Variants in ZNF469 observed in about 807,000 individuals in gnomAD.
The protein encoded by ZNF469 is zinc finger protein 469.
A neutral mutation model predicts 1.0 loss-of-function variants in ZNF469; 1 was observed. That is an observed-to-expected ratio of 1.00 (90% confidence interval 0.35 to 4.73). The LOEUF (loss-of-function observed/expected upper bound fraction) is 4.73. ZNF469 is among the 30% of genes most tolerant of loss of function. The pLI is 0.16. For missense variants in ZNF469, 6,100 were observed against 5,356.3 expected, an observed-to-expected ratio of 1.14 and a Z score of -4.33; for synonymous variants, 2,703 against 2,363.4, an observed-to-expected ratio of 1.14 and a Z score of -4.17.
the ZNF469 span, among the ~76,000 whole-genome samples, chr16:88,329,267 T>G: frequency 7.2e-5 from 11 of 152,194 alleles, no homozygotes; most frequent in East Asian, 3.9e-4. Flanking sequence ...GTTTGCTGCT[T>G]CTTCATCTTC....
chr16:88,385,871 C>T (rs1367139532), intron 1 of ZNF469, among the ~76,000 whole-genome samples: 1 of 152,066 alleles, frequency 6.6e-6, no homozygotes, highest in Non-Finnish European at 1.5e-5. Context: ...TGTGGAGCAC[C>T]CTGGCACAGG....
the ZNF469 span, among the ~76,000 whole-genome samples, chr16:88,289,788 G>A: frequency 6.6e-6 from 1 of 152,220 alleles, no homozygotes; most frequent in Non-Finnish European, 1.5e-5. Context: ...GAAACTGGCA[G>A]ATGCGCATGG....
At chr16:88,371,340 T>C in the ZNF469 span, among the ~76,000 whole-genome samples, 1 of 152,210 alleles carries the variant, frequency 6.6e-6, no homozygotes, top group South Asian at 2.1e-4. Flanking sequence ...CTAAAACCCA[T>C]GCACAGCCAT....
chr16:88,218,044 T>G, the ZNF469 span, among the ~76,000 whole-genome samples: 1 of 139,932 alleles, frequency 7.1e-6, no homozygotes, highest in Non-Finnish European at 1.6e-5. Flanking sequence ...TTGAACTAGT[T>G]TACAGTCCCA....
chr16:88,101,218 G>T, the ZNF469 span, among the ~76,000 whole-genome samples: 3 of 152,250 alleles, frequency 2.0e-5, no homozygotes, highest in African/African-American at 4.8e-5. Context: ...AACCGAGGGG[G>T]TGCACGCAGG....
the ZNF469 span, among the ~76,000 whole-genome samples, chr16:88,305,310 G>GCA: frequency 2.5e-4 from 34 of 133,734 alleles, no homozygotes; most frequent in Admixed American, 8.0e-4. Context: ...ACCCTCACAT[G>GCA]CACACACACA....
At chr16:88,279,200 G>A in the ZNF469 span, among the ~76,000 whole-genome samples, 258 of 129,436 alleles carry the variant, frequency 2.0e-3, no homozygotes, top group African/African-American at 2.3e-3. Context: ...GCGCCACGCT[G>A]ACACTCGGTC....
At position 88,438,607 on chromosome 16, in the gene ZNF469, C is replaced by A. The variant is rs748126365; in HGVS notation, c.11137C>A (p.Arg3713Ser). The change falls in exon 3 of 3, where the codon CGT becomes AGT. Residue 3713 changes from arginine to serine, a missense_variant. Transcript: ENST00000565624. ...GAGCCTGGCACCCGGGGAGCTGGCC[C>A]GTGGCACAGAGAATGGGATGAAGCC... Reference protein sequence around the residue: ...VGSLAPGELARGTENGMKPAT... With the variant: ...VGSLAPGELASGTENGMKPAT... The A allele has an allele frequency of 6.5e-7, 1 of 1,549,978 alleles. No individual in the cohort carries two copies.
At position 88,427,989 on chromosome 16, in the gene ZNF469, C is replaced by G. The variant is rs530740920; in HGVS notation, c.519C>G (p.Pro173=). 9.9e-5 allele frequency: 153 copies of G among 1,550,012 alleles called. 2 individuals are homozygous for G. The African/African-American group carries it at 2.0e-3, about 20-fold the overall frequency. Residue 173 remains proline, a synonymous_variant, in exon 3 of 3, where the codon CCC becomes CCG. Transcript: ENST00000565624. The part of the protein sequence containing the change: ...RPGLPRTEAQ[P]AAEELGFHRC... ...GCCTCCCAAGGACTGAGGCCCAACCCGCCGCCGAAGAGCTTGGCTTCCACA... is the reference window on the plus strand; with the variant it reads ...GCCTCCCAAGGACTGAGGCCCAACCGGCCGCCGAAGAGCTTGGCTTCCACA...
intron 1 of ZNF469, among the ~76,000 whole-genome samples, chr16:88,403,305 T>G (rs1017054909): frequency 3.3e-5 from 5 of 152,270 alleles, no homozygotes; most frequent in Non-Finnish European, 5.9e-5. Flanking sequence ...TCATTTTTTG[T>G]AACATAGTGT....
the ZNF469 span, among the ~76,000 whole-genome samples, chr16:88,306,706 T>C: frequency 3.8e-3 from 573 of 152,272 alleles, 7 homozygotes; most frequent in African/African-American, 0.012. Flanking sequence ...CCCAGGACCC[T>C]GACCAGCACC....
chr16:88,199,706 A>C, the ZNF469 span, among the ~76,000 whole-genome samples: 1 of 152,220 alleles, frequency 6.6e-6, no homozygotes, highest in African/African-American at 2.4e-5. Context: ...GCCTCAGGCC[A>C]GGTGCAGGGA....
chr16:88,118,836 G>A, the ZNF469 span, among the ~76,000 whole-genome samples: 6 of 152,308 alleles, frequency 3.9e-5, no homozygotes, highest in Admixed American at 2.0e-4. Context: ...AGAACCACAC[G>A]GATAAGCAAT....
At chr16:88,342,639 G>A in the ZNF469 span, among the ~76,000 whole-genome samples, 2 of 152,240 alleles carry the variant, frequency 1.3e-5, no homozygotes, top group Non-Finnish European at 2.9e-5. Context: ...GCTCTGAGCA[G>A]TGAGCCTTTT....
chr16:88,247,637 A>C, the ZNF469 span, among the ~76,000 whole-genome samples: 1 of 151,448 alleles, frequency 6.6e-6, no homozygotes, highest in Admixed American at 6.6e-5. Context: ...AGTGAGAGTG[A>C]ATGAGTGGAT....
chr16:88,280,082 C>G, the ZNF469 span, among the ~76,000 whole-genome samples: 2 of 151,762 alleles, frequency 1.3e-5, no homozygotes, highest in East Asian at 3.9e-4. Context: ...GACACTCAGT[C>G]GGTACCGTGT....
the ZNF469 span, among the ~76,000 whole-genome samples, chr16:88,115,076 G>A: frequency 2.0e-5 from 3 of 152,270 alleles, no homozygotes; most frequent in East Asian, 3.9e-4. Context: ...GCAGGGAAAC[G>A]CAGGTGGTTC....
the ZNF469 span, among the ~76,000 whole-genome samples, chr16:88,350,220 G>C: frequency 6.6e-6 from 1 of 152,208 alleles, no homozygotes; most frequent in Non-Finnish European, 1.5e-5. Context: ...ATCTCCAAAG[G>C]TGTCACAGTG....
the ZNF469 span, among the ~76,000 whole-genome samples, chr16:88,113,260 T>G: frequency 2.3e-4 from 35 of 152,238 alleles, no homozygotes; most frequent in East Asian, 1.9e-4. Context: ...TAATCCATTT[T>G]GGCTTGATGT....
Sources: gnomAD v4.1 joint callset for allele counts (sites outside exome capture counted in the v4.1 genomes callset) on GRCh38, gnomAD v4.1.1 for gene constraint, MANE v1.5 for transcripts, NCBI Gene and HGNC (gene_info 2026-07-23, HGNC 2026-07-21) for gene names.